Variants in DYRK2 observed in about 807,000 individuals in gnomAD.
DYRK2 encodes dual specificity tyrosine phosphorylation regulated kinase 2.
DYRK2 carries 12 observed loss-of-function variants against 41.6 expected under a neutral mutation model. The observed-to-expected ratio is 0.29, with a 90% CI of 0.18 to 0.47. DYRK2 has a LOEUF of 0.47. Ranked by LOEUF, DYRK2 falls within the 20% of genes least tolerant of loss-of-function variation. DYRK2 has a pLI of 1.00. For missense variants in DYRK2, 678 were observed against 798.4 expected (o/e 0.85, Z 1.82); for synonymous variants, 322 against 315.7 (o/e 1.02, Z -0.21).
Position 67,658,748 on chromosome 12 carries a change from AC to A in DYRK2, c.*36del. 1 of 1,564,994 alleles carries A rather than the reference AC, an allele frequency of 6.4e-7. No individual in the cohort carries two copies. The highest frequency in any genetic ancestry group is 8.6e-7 in the Non-Finnish European group (1 of 1,156,288). ...CCCTGATGCTGGTAACCTGAAAGAT[AC>A]GACATTGCTGAGCCTTACTGGGTTG... is the stretch of plus-strand genomic sequence containing the variant. On this transcript the variant is annotated 3_prime_UTR_variant, in exon 3 of 3. Coordinates refer to ENST00000344096, the MANE Select transcript of DYRK2 (RefSeq NM_006482.3). This position sits in a 1 kb window ranked among gnomAD's most constrained non-coding sequence, Gnocchi z 4.3.
Position 67,658,224 on chromosome 12 carries a change from C to T in DYRK2, c.1317C>T (p.Gly439=). ...TGGCCTGTATGATTGAACTGTTGGG[C>T]ATGCCCTCACAGAAACTGCTGGATG... ...DQLACMIELL[G]MPSQKLLDAS... Residue 439 remains glycine (G), a synonymous_variant, in exon 3 of 3, where the codon GGC becomes GGT. Coordinates refer to ENST00000344096, the MANE Select transcript of DYRK2 (RefSeq NM_006482.3). The surrounding 1 kb of genome is among the most constrained non-coding windows in gnomAD (Gnocchi z 4.3). 1 of 1,614,190 alleles carries T rather than the reference C, an allele frequency of 6.2e-7. No homozygotes were observed. Among genetic ancestry groups the T allele is most frequent in the Non-Finnish European group, 8.5e-7 (1 of 1,180,034 alleles).
In DYRK2 at chr12:67,648,911, G is replaced by A. The variant is rs1872213520; in HGVS notation, c.-223G>A. ...TGCTGCAGCCGCCCGAGGAAGAGGAGGACGGCGGCGAGGAGGAGAGCGGGG... is the reference window on the plus strand; with the variant it reads ...TGCTGCAGCCGCCCGAGGAAGAGGAAGACGGCGGCGAGGAGGAGAGCGGGG... On this transcript the variant is annotated 5_prime_UTR_variant, in exon 1 of 3. Coordinates refer to ENST00000344096, the MANE Select transcript of DYRK2 (RefSeq NM_006482.3). 2 of 359,424 alleles carry A rather than the reference G, an allele frequency of 5.6e-6. No homozygotes were observed. Among genetic ancestry groups the A allele is most frequent in the African/African-American group, 2.2e-5 (1 of 45,728 alleles). The allele number at this position is 359,424 out of a possible 1,614,324, so 22.3% of individuals were successfully genotyped here. A position where few individuals can be genotyped will look rare whatever the true frequency, so the allele number is the denominator to read the frequency against.
Position 67,648,840 on chromosome 12 carries a change from C to G in DYRK2, c.-294C>G. On this transcript the variant is annotated 5_prime_UTR_variant, in exon 1 of 3. Transcript: ENST00000344096. ...CCCCTATGTGAGGGAGACGGGGAGG[C>G]CCGCGGCGCGCAGGGGAGGGCGAGG... is the stretch of plus-strand genomic sequence containing the variant. 1 of 226,402 alleles carries G rather than the reference C, an allele frequency of 4.4e-6. No individual in the cohort carries two copies. Among genetic ancestry groups the G allele is most frequent in the Non-Finnish European group, 8.4e-6 (1 of 118,430 alleles). The allele number at this position is 226,402 out of a possible 1,614,324, so 14.0% of individuals were successfully genotyped here.
At position 67,649,108 on chromosome 12, in the gene DYRK2, GA is replaced by G; in HGVS notation, c.-23del. 3 of 1,501,840 alleles carry G rather than the reference GA, an allele frequency of 2.0e-6. No individual in the cohort carries two copies. The highest frequency in any genetic ancestry group is 2.7e-6 in the Non-Finnish European group (3 of 1,122,320). 93.0% of individuals were successfully genotyped at this position (1,501,840 alleles called of 1,614,324 possible). A position where few individuals can be genotyped will look rare whatever the true frequency, so the allele number is the denominator to read the frequency against. On this transcript the variant is annotated 5_prime_UTR_variant, in exon 1 of 3. The change creates a new upstream start codon in the 5' untranslated region. Coordinates refer to ENST00000344096, the MANE Select transcript of DYRK2 (RefSeq NM_006482.3). ...GACCGGCGGCGGCGACGGCAGCCCT[GA>G]AATGCATTTTCCTCTCCAGCGGCCA...
chr12:67,649,598 T>C (rs1207616748), intron 1 of DYRK2, 199 bp from the exon 2 acceptor site: 11 of 604,868 alleles, frequency 1.8e-5, no homozygotes, highest in East Asian at 1.8e-4. Context: ...GGGCCCCACT[T>C]AACTTTGCAG....
intron 2 of DYRK2, among the ~76,000 whole-genome samples, chr12:67,653,511 TTTTA>T (rs1872382373): frequency 6.6e-6 from 1 of 152,198 alleles, no homozygotes; most frequent in Admixed American, 6.5e-5. Flanking sequence ...GTTGCAAGTG[TTTTA>T]TACATGGTTT....
rs1872685117 is a variant in DYRK2, at chr12:67,663,933, G to T, written c.*5220G>T. The T allele has an allele frequency of 6.6e-6, 1 of 152,078 alleles. No homozygotes were observed. The highest frequency in any genetic ancestry group is 1.5e-5 in the Non-Finnish European group (1 of 67,994). The allele number at this position is 152,078 out of a possible 1,614,324, so 9.4% of individuals were successfully genotyped here. A position where few individuals can be genotyped will look rare whatever the true frequency, so the allele number is the denominator to read the frequency against. ...AATGTCCCTAGTTGACATTAGTGTT[G>T]GTCTGTTAGAAGGGGAAATTGATTT... On this transcript the variant is annotated 3_prime_UTR_variant, in exon 3 of 3. Transcript: ENST00000344096.
rs1339243360 is a variant in DYRK2 at position 67,664,677 on chromosome 12, G to A, written c.*5964G>A. On this transcript the variant is annotated 3_prime_UTR_variant, in exon 3 of 3. Transcript: ENST00000344096. ...CATAAAACACAAAAGTTTAGAAAGG[G>A]GGGGAAGTTGAGCTAGCAATGGGCA... 6.6e-6 allele frequency: 1 copy of A among 152,120 alleles called. No homozygotes were observed. The highest frequency in any genetic ancestry group is 1.5e-5 in the Non-Finnish European group (1 of 68,012). The allele number at this position is 152,120 out of a possible 1,614,324, so 9.4% of individuals were successfully genotyped here.
chr12:67,651,341 G>A, intron 2 of DYRK2: 1 of 292,548 alleles, frequency 3.4e-6, no homozygotes, highest in Non-Finnish European at 6.7e-6. Flanking sequence ...GCTATGTGTT[G>A]ATGTAATCAC....
intron 2 of DYRK2, among the ~76,000 whole-genome samples, chr12:67,650,227 C>T (rs1006172350): frequency 5.9e-5 from 9 of 152,376 alleles, no homozygotes; most frequent in African/African-American, 1.9e-4. Flanking sequence ...TTGCTGCTTT[C>T]CTTCTTTCCT....
Position 67,662,991 on chromosome 12 carries a change from ATCT to A in DYRK2, c.*4283_*4285del, listed in dbSNP as rs1243076862. On this transcript the variant is annotated 3_prime_UTR_variant, in exon 3 of 3. Transcript: ENST00000344096. ...GTTCTTTATTATGCTAGAGCTTCAT[ATCT>A]TCTTTTATTTTAACCTTCACAATGA... The A allele has an allele frequency of 1.3e-5, 2 of 152,006 alleles. No individual in the cohort carries two copies. Among genetic ancestry groups the A allele is most frequent in the South Asian group, 2.1e-4 (1 of 4,820 alleles). 9.4% of individuals were successfully genotyped at this position (152,006 alleles called of 1,614,324 possible). A position where few individuals can be genotyped will look rare whatever the true frequency, so the allele number is the denominator to read the frequency against.
Position 67,661,058 on chromosome 12 carries a change from C to T in DYRK2, c.*2345C>T, listed in dbSNP as rs534241273. 1.2e-5 allele frequency: 2 copies of T among 165,694 alleles called. No homozygotes were observed. Among genetic ancestry groups the T allele is most frequent in the African/African-American group, 4.8e-5 (2 of 41,266 alleles). The allele number at this position is 165,694 out of a possible 1,614,324, so 10.3% of individuals were successfully genotyped here. ...TTTATTTATAAATGGAAACCGGAAA[C>T]TTTTATACCAAACTATAATAATGTG... On this transcript the variant is annotated 3_prime_UTR_variant, in exon 3 of 3. Coordinates refer to ENST00000344096, the MANE Select transcript of DYRK2 (RefSeq NM_006482.3).
rs1375293448 is a variant in DYRK2, at chr12:67,665,205, C to G, written c.*6492C>G. The G allele has an allele frequency of 6.6e-6, 1 of 152,094 alleles. No individual in the cohort carries two copies. The highest frequency in any genetic ancestry group is 1.5e-5 in the Non-Finnish European group (1 of 68,010). 9.4% of individuals were successfully genotyped at this position (152,094 alleles called of 1,614,324 possible). A position where few individuals can be genotyped will look rare whatever the true frequency, so the allele number is the denominator to read the frequency against. ...TGCTTTTTATCCCAATTTATCTCCC[C>G]TCCTAAGTTTGAGGAGTTTTATATA... On this transcript the variant is annotated 3_prime_UTR_variant, in exon 3 of 3. Coordinates refer to ENST00000344096, the MANE Select transcript of DYRK2 (RefSeq NM_006482.3).
chr12:67,662,150 T>C lies in DYRK2; in HGVS notation c.*3437T>C, dbSNP rs1310716560. The stretch of plus-strand genomic sequence containing the variant: ...TTTGTAATTTTTTTCATCAAAAATA[T>C]TTCTGGTAAGCAGAAGACTTTTTAA... On this transcript the variant is annotated 3_prime_UTR_variant, in exon 3 of 3. Coordinates refer to ENST00000344096, the MANE Select transcript of DYRK2 (RefSeq NM_006482.3). 1 of 166,826 alleles carries C rather than the reference T, an allele frequency of 6.0e-6. No homozygotes were observed. The highest frequency in any genetic ancestry group is 2.4e-5 in the African/African-American group (1 of 41,428). 10.3% of individuals were successfully genotyped at this position (166,826 alleles called of 1,614,324 possible). A position where few individuals can be genotyped will look rare whatever the true frequency, so the allele number is the denominator to read the frequency against.
At chr12:67,654,866 G>A (rs903447461) in intron 2 of DYRK2, among the ~76,000 whole-genome samples, 1 of 152,144 alleles carries the variant, frequency 6.6e-6, no homozygotes, top group Non-Finnish European at 1.5e-5. Context: ...GAACAAATGC[G>A]CAAACATCAG....
intron 2 of DYRK2, among the ~76,000 whole-genome samples, chr12:67,654,267 G>A (rs913234727): frequency 6.6e-6 from 1 of 152,222 alleles, no homozygotes; most frequent in Admixed American, 6.5e-5. Flanking sequence ...TTGGAGAGAA[G>A]AGTGACAGTA....
Position 67,658,709 on chromosome 12 carries a change from G to A in DYRK2, c.1802G>A (p.Ser601Asn). 1.2e-6 allele frequency: 2 copies of A among 1,600,866 alleles called. No homozygotes were observed. The highest frequency in any genetic ancestry group is 1.3e-5 in the African/African-American group (1 of 74,744). ...QQRTVLPKLV[S>N] ...AGGACAGTGTTGCCAAAACTTGTTA[G>A]CTGAGCTCACGTCCCCTGATGCTGG... The change falls in exon 3 of 3, where the codon AGC becomes AAC. Residue 601 changes from serine to asparagine, a missense_variant. Transcript: ENST00000344096. The surrounding 1 kb of genome is among the most constrained non-coding windows in gnomAD (Gnocchi z 4.3).
chr12:67,650,074 C>A, intron 2 of DYRK2, 129 bp downstream of exon 2: 2 of 1,013,032 alleles, frequency 2.0e-6, no homozygotes, highest in Non-Finnish European at 2.5e-6. Flanking sequence ...ACGCCTCGGG[C>A]CGATGGTCTC....
At chr12:67,656,544 T>A (rs1872473893) in intron 2 of DYRK2, among the ~76,000 whole-genome samples, 1 of 152,204 alleles carries the variant, frequency 6.6e-6, no homozygotes, top group African/African-American at 2.4e-5. Context: ...GGTTTTTGTT[T>A]TTGTCACTGG....
Sources: allele counts gnomAD v4.1 joint callset (sites outside exome capture counted in the v4.1 genomes callset), GRCh38; gene constraint gnomAD v4.1.1; non-coding constraint Gnocchi (gnomAD v3.1); transcripts MANE v1.5; gene names NCBI Gene and HGNC (gene_info 2026-07-23, HGNC 2026-07-21).